ANTXR1: variants seen among roughly 807,000 people sequenced by gnomAD.
The protein encoded by ANTXR1 is ANTXR cell adhesion molecule 1.
In ANTXR1, 19 loss-of-function variants were observed where a neutral mutation model predicts 78.1. The ratio of observed to expected loss-of-function variants is 0.24; its 90% confidence interval spans 0.17 to 0.36. The LOEUF is 0.36. Ranked by LOEUF, ANTXR1 falls within the 10% of genes least tolerant of loss-of-function variation. ANTXR1 has a pLI of 1.00. For synonymous variants in ANTXR1, 273 were observed against 260.5 expected, an observed-to-expected ratio of 1.05 and a Z score of -0.46; for missense variants, 518 against 718.6, an observed-to-expected ratio of 0.72 and a Z score of 3.19.
At chr2:69,052,731 T>A (rs78553661) in intron 3 of ANTXR1, among the ~76,000 whole-genome samples, 2 of 152,178 alleles carry the variant, frequency 1.3e-5, no homozygotes, top group African/African-American at 4.8e-5. Flanking sequence ...CATTCGATTC[T>A]TGAATCTATC....
At chr2:69,122,715 G>A (rs558067632) in intron 10 of ANTXR1, among the ~76,000 whole-genome samples, 39 of 152,092 alleles carry the variant, frequency 2.6e-4, no homozygotes, top group African/African-American at 8.9e-4. Context: ...ATTTACATTA[G>A]GTATATCTCC....
chr2:69,024,941 A>G (rs2104003875), intron 1 of ANTXR1, among the ~76,000 whole-genome samples: 1 of 152,274 alleles, frequency 6.6e-6, no homozygotes. Context: ...GACATTTCCG[A>G]AGCTCTTTCA....
At chr2:69,223,053 G>T (rs1337523299) in intron 17 of ANTXR1, among the ~76,000 whole-genome samples, 1 of 152,196 alleles carries the variant, frequency 6.6e-6, no homozygotes, top group East Asian at 1.9e-4. Context: ...GGACCCTGAG[G>T]TCCAGTGTGG....
chr2:69,125,342 T>C lies in ANTXR1; in HGVS notation c.951+699T>C, dbSNP rs567090006. On this transcript the variant is annotated intron_variant, in intron 12 of 17. Transcript: ENST00000303714. ...CACCTGGAGAGCTTTTTAAAAAGAT[T>C]GGTGCCCTGACCGCATTCGAGACTG... Among the ~76,000 whole-genome samples, 4 of 152,274 alleles carry C rather than the reference T, an allele frequency of 2.6e-5. No individual in the cohort carries two copies. In the South Asian group the frequency reaches 8.3e-4, roughly 32 times the overall value.
chr2:69,093,050 A>G (rs1213613671), intron 9 of ANTXR1, among the ~76,000 whole-genome samples: 4 of 152,216 alleles, frequency 2.6e-5, no homozygotes. Flanking sequence ...TCTAAAGACA[A>G]TGAACACAAT....
At chr2:69,115,844 A>G (rs948681570) in intron 10 of ANTXR1, among the ~76,000 whole-genome samples, 1 of 152,212 alleles carries the variant, frequency 6.6e-6, no homozygotes, top group African/African-American at 2.4e-5. Flanking sequence ...GAGCGAGGGT[A>G]TGGGCCATGT....
intron 17 of ANTXR1, among the ~76,000 whole-genome samples, chr2:69,197,047 CA>C (rs1674681913): frequency 6.6e-6 from 1 of 152,224 alleles, no homozygotes; most frequent in African/African-American, 2.4e-5. Context: ...AGCCCCAGGT[CA>C]GGGGTGGCAG....
At chr2:69,135,170 T>G (rs1672874492) in intron 12 of ANTXR1, 1 of 214,922 alleles carries the variant, frequency 4.7e-6, no homozygotes, top group South Asian at 6.5e-5. Flanking sequence ...TTTTAAAAGA[T>G]GTTTTGGATG....
intron 15 of ANTXR1, 113 bp downstream of exon 15, chr2:69,181,994 G>A (rs1004696370): frequency 9.7e-7 from 1 of 1,031,554 alleles, no homozygotes; most frequent in Non-Finnish European, 1.5e-6. Flanking sequence ...AGGGCAGTAT[G>A]GCCGTAGACC....
chr2:69,171,616 C>A (rs1036846151), intron 14 of ANTXR1, among the ~76,000 whole-genome samples: 5 of 152,218 alleles, frequency 3.3e-5, no homozygotes, highest in Non-Finnish European at 5.9e-5. Context: ...GGCTCTTGCT[C>A]TGTATTTGCC....
chr2:69,084,668 C>T (rs1470858644), intron 8 of ANTXR1, among the ~76,000 whole-genome samples: 1 of 144,222 alleles, frequency 6.9e-6, no homozygotes, highest in African/African-American at 2.6e-5. Flanking sequence ...TGGCCCCAAG[C>T]AATTCTCTCA....
intron 8 of ANTXR1, among the ~76,000 whole-genome samples, chr2:69,082,975 T>G (rs1670942710): frequency 6.6e-6 from 1 of 152,236 alleles, no homozygotes. Context: ...TGACCATCCT[T>G]GTTATCAGGG....
intron 17 of ANTXR1, among the ~76,000 whole-genome samples, chr2:69,220,565 C>G (rs555427336): frequency 6.6e-6 from 1 of 152,278 alleles, no homozygotes; most frequent in South Asian, 2.1e-4. Flanking sequence ...TAAAAGGCCT[C>G]TTTATACTCT....
intron 17 of ANTXR1, among the ~76,000 whole-genome samples, chr2:69,211,405 C>A (rs531402931): frequency 6.6e-6 from 1 of 152,208 alleles, no homozygotes; most frequent in Admixed American, 6.5e-5. Flanking sequence ...TCTGTGTAGA[C>A]TCCACATGCA....
chr2:69,094,301 C>T lies in ANTXR1; in HGVS notation c.703+3382C>T, dbSNP rs183238076. On this transcript the variant is annotated intron_variant, in intron 9 of 17. Transcript: ENST00000303714. ...AAGGATTAAAGGCCAGTGTTAGAAT[C>T]ATGATGTTGATAATGTCATACCTAG... Among the ~76,000 whole-genome samples the T allele has an allele frequency of 2.6e-4, 39 of 152,294 alleles. No individual in the cohort carries two copies. In the East Asian group the frequency reaches 7.5e-3, roughly 29 times the overall value.
At chr2:69,099,970 T>C (rs976391788) in intron 9 of ANTXR1, among the ~76,000 whole-genome samples, 3 of 152,186 alleles carry the variant, frequency 2.0e-5, no homozygotes, top group Non-Finnish European at 2.9e-5. Context: ...AGAATATAGA[T>C]CTTAAGGAAA....
intron 17 of ANTXR1, among the ~76,000 whole-genome samples, chr2:69,218,464 A>G (rs1419604357): frequency 6.6e-6 from 1 of 152,236 alleles, no homozygotes; most frequent in Non-Finnish European, 1.5e-5. Context: ...AGTGTGCCAT[A>G]GCCAGGAATT....
chr2:69,070,265 T>C (rs1670527587), intron 3 of ANTXR1, among the ~76,000 whole-genome samples: 1 of 152,226 alleles, frequency 6.6e-6, no homozygotes, highest in Non-Finnish European at 1.5e-5. Context: ...TTCCCTGGGT[T>C]CTTGGTTCTC....
At chr2:69,224,462 G>C (rs1675393632) in intron 17 of ANTXR1, among the ~76,000 whole-genome samples, 1 of 152,114 alleles carries the variant, frequency 6.6e-6, no homozygotes. Context: ...CTTCACTTTA[G>C]TTTTATCACC....
Sources: gnomAD v4.1 joint callset for allele counts (sites outside exome capture counted in the v4.1 genomes callset) on GRCh38, gnomAD v4.1.1 for gene constraint, MANE v1.5 for transcripts, NCBI Gene and HGNC (gene_info 2026-07-23, HGNC 2026-07-21) for gene names.